The following UNC79 variants were observed in gnomAD, a reference collection of about 807,000 sequenced individuals.
UNC79 encodes protein unc-79 homolog.
Under a neutral mutation model 283.1 loss-of-function variants are expected in UNC79, and 37 were observed. The ratio of observed to expected loss-of-function variants is 0.13; its 90% CI spans 0.10 to 0.17. The LOEUF is 0.17. Ranked by LOEUF, UNC79 falls within the 10% of genes least tolerant of loss-of-function variation. The pLI, the probability that UNC79 is intolerant of heterozygous loss-of-function variation, is 1.00. For synonymous variants in UNC79, 1,107 were observed against 1,200.2 expected (o/e 0.92, Z 1.61); for missense variants, 2,272 against 3,211.1 (o/e 0.71, Z 7.07).
chr14:93,686,652 C>A (rs1200553994), exon 43 of UNC79: 1 of 1,614,048 alleles, frequency 6.2e-7, no homozygotes, highest in South Asian at 1.1e-5. Context: ...ACACGCTGAC[C>A]AAACTGAAGG....
rs1375575615 is a variant in UNC79, at chr14:93,443,475, G to C, written c.22+12424G>C. Among the ~76,000 whole-genome samples, 2 of 145,338 alleles carry C rather than the reference G, an allele frequency of 1.4e-5. 1 individual carries two copies. The highest frequency in any genetic ancestry group is 3.0e-5 in the Non-Finnish European group (2 of 66,830). ...CTCTTGCTCTGTCGCCCAGGCTAGA[G>C]TGCAATGGCACAATCTCAGCTCGCT... On this transcript the variant is annotated intron_variant, in intron 1 of 48. Transcript: ENST00000555664.
At chr14:93,648,548 C>G (rs959786008) in intron 35 of UNC79, among the ~76,000 whole-genome samples, 1 of 151,976 alleles carries the variant, frequency 6.6e-6, no homozygotes, top group Non-Finnish European at 1.5e-5. Flanking sequence ...AAGAATGACT[C>G]CTAGGTTTTG....
rs1215827445 is a variant in UNC79 at position 93,690,928 on chromosome 14, C to T, written c.7272+625C>T. On this transcript the variant is annotated intron_variant, in intron 45 of 48. Coordinates refer to ENST00000555664, the Ensembl canonical transcript of UNC79. This position sits in a 1 kb window ranked among gnomAD's most constrained non-coding sequence, Gnocchi z 4.3. ...GCTCCGAGGAGCCAGGGGACCTTCA[C>T]AGAGCTTCGGCAAGTTCTGGGAGGT... is the stretch of plus-strand genomic sequence containing the variant. The T allele has an allele frequency of 2.0e-5, 3 of 153,224 alleles. No individual in the cohort carries two copies. The highest frequency in any genetic ancestry group is 7.2e-5 in the African/African-American group (3 of 41,454). The allele number at this position is 153,224 out of a possible 1,614,324, so 9.5% of individuals were successfully genotyped here. A position where few individuals can be genotyped will look rare whatever the true frequency, so the allele number is the denominator to read the frequency against.
At chr14:93,597,235 C>A (rs150956457) in intron 23 of UNC79, 124 bp from the exon 24 acceptor site, 3 of 961,398 alleles carry the variant, frequency 3.1e-6, no homozygotes, top group Non-Finnish European at 4.7e-6. Flanking sequence ...GTAAACCATG[C>A]GGGAGACCCA....
chr14:93,701,627 T>C (rs898886348), intron 47 of UNC79, among the ~76,000 whole-genome samples: 9 of 152,186 alleles, frequency 5.9e-5, no homozygotes, highest in Non-Finnish European at 8.8e-5. Flanking sequence ...CTGACAGATT[T>C]GTAGGAACCA....
At chr14:93,386,997 C>CAA (rs1288423680) in intron 1 of UNC79, among the ~76,000 whole-genome samples, 3 of 113,262 alleles carry the variant, frequency 2.6e-5, no homozygotes, top group East Asian at 6.1e-4. Context: ...GGCTGGAGTG[C>CAA]AATGGCATGA....
intron 7 of UNC79, among the ~76,000 whole-genome samples, chr14:93,500,511 G>A (rs557635849): frequency 3.9e-5 from 6 of 152,218 alleles, no homozygotes; most frequent in Admixed American, 6.5e-5. Context: ...ATCCAGCACC[G>A]GCTGCTGGTC....
chr14:93,453,703 T>G (rs2056715546), intron 1 of UNC79, among the ~76,000 whole-genome samples: 1 of 152,256 alleles, frequency 6.6e-6, no homozygotes, highest in African/African-American at 2.4e-5. Context: ...CTGAGGAAGC[T>G]GCTTAGTAAA....
chr14:93,465,609 T>A (rs1351858132), intron 1 of UNC79, among the ~76,000 whole-genome samples: 3 of 152,208 alleles, frequency 2.0e-5, no homozygotes, highest in African/African-American at 7.2e-5. Context: ...AAAAAGAACA[T>A]CCTTTCATTT....
At chr14:93,677,441 A>G (rs531197069) in intron 41 of UNC79, among the ~76,000 whole-genome samples, 11 of 152,352 alleles carry the variant, frequency 7.2e-5, no homozygotes, top group African/African-American at 2.4e-4. Flanking sequence ...GAGCTTGTGC[A>G]GGGGAACTCC....
At chr14:93,670,053 A>G (rs765017476) in intron 40 of UNC79, among the ~76,000 whole-genome samples, 7 of 152,164 alleles carry the variant, frequency 4.6e-5, no homozygotes, top group Non-Finnish European at 1.0e-4. Flanking sequence ...GACACTTGCA[A>G]TGTGCTGTTG....
chr14:93,357,783 A>G (rs1488421668), intron 1 of UNC79, among the ~76,000 whole-genome samples: 1 of 134,620 alleles, frequency 7.4e-6, no homozygotes, highest in Non-Finnish European at 1.6e-5. Context: ...ATGTGGATAT[A>G]TGGATATATA....
chr14:93,581,382 A>G (rs184593255), intron 19 of UNC79, among the ~76,000 whole-genome samples: 1 of 151,018 alleles, frequency 6.6e-6, no homozygotes, highest in East Asian at 2.0e-4. Flanking sequence ...TATGTTGCCC[A>G]GGCTGGTCTC....
chr14:93,543,608 C>A (rs2061472843), intron 14 of UNC79, among the ~76,000 whole-genome samples: 1 of 152,140 alleles, frequency 6.6e-6, no homozygotes, highest in South Asian at 2.1e-4. Flanking sequence ...CTCCAGCGAT[C>A]TTTCTGCCTC....
intron 1 of UNC79, among the ~76,000 whole-genome samples, chr14:93,405,475 A>G (rs1471598754): frequency 6.6e-6 from 1 of 152,186 alleles, no homozygotes; most frequent in East Asian, 1.9e-4. Context: ...CAAAATATAA[A>G]AAATTTCTAT....
At chr14:93,486,796 T>A (rs2058466795) in intron 4 of UNC79, among the ~76,000 whole-genome samples, 1 of 152,110 alleles carries the variant, frequency 6.6e-6, no homozygotes, top group Admixed American at 6.5e-5. Context: ...ACAAAGAAAT[T>A]TAATATGGTA....
intron 31 of UNC79, 76 bp from the exon 35 acceptor site, chr14:93,637,140 A>C (rs2068575419): frequency 2.4e-6 from 2 of 828,188 alleles, no homozygotes; most frequent in Non-Finnish European, 4.3e-6. Context: ...CCCAGAGATG[A>C]TTGGTTAAAT....
chr14:93,382,312 A>G (rs2054680422), intron 1 of UNC79, among the ~76,000 whole-genome samples: 1 of 152,158 alleles, frequency 6.6e-6, no homozygotes, highest in African/African-American at 2.4e-5. Flanking sequence ...CTATTTTCTT[A>G]TTCTGAATGT....
intron 7 of UNC79, among the ~76,000 whole-genome samples, chr14:93,521,852 T>C (rs2060335593): frequency 6.7e-6 from 1 of 149,690 alleles, no homozygotes; most frequent in Non-Finnish European, 1.5e-5. Flanking sequence ...TCAAAATCAA[T>C]TGTAGTGCTT....
Sources: gnomAD v4.1 joint callset for allele counts (sites outside exome capture counted in the v4.1 genomes callset) on GRCh38, gnomAD v4.1.1 for gene constraint, Gnocchi (gnomAD v3.1) non-coding constraint, MANE v1.5 for transcripts, NCBI Gene and HGNC (gene_info 2026-07-23, HGNC 2026-07-21) for gene names.